LRIG1: variants seen among roughly 807,000 people sequenced by gnomAD.
LRIG1 encodes the protein leucine-rich repeats and immunoglobulin-like domains protein 1.
LRIG1 carries 48 observed loss-of-function variants against 99.2 expected under a neutral mutation model. The observed-to-expected ratio is 0.48, with a 90% CI of 0.38 to 0.62. LRIG1 has a LOEUF of 0.62. Ranked by LOEUF, LRIG1 falls within the 20% of genes least tolerant of loss-of-function variation. The pLI is 0.00. For synonymous variants in LRIG1, 772 were observed against 596.1 expected (o/e 1.29, Z -4.30); for missense variants, 1,646 against 1,434.4 (o/e 1.15, Z -2.38).
chr3:66,405,562 C>T (rs1233856983), intron 8 of LRIG1, among the ~76,000 whole-genome samples: 2 of 152,184 alleles, frequency 1.3e-5, no homozygotes, highest in Non-Finnish European at 2.9e-5. Context: ...TGCAGACAGC[C>T]CAGTCTGTAT....
chr3:66,405,112 G>T, intron 9 of LRIG1, 86 bp downstream of exon 9: 1 of 1,193,278 alleles, frequency 8.4e-7, no homozygotes, highest in East Asian at 2.5e-5. Flanking sequence ...CCAGAGCAGA[G>T]AGGCGCGGGG....
chr3:66,405,362 C>G, intron 8 of LRIG1, 84 bp from the exon 9 acceptor site: 3 of 1,094,500 alleles, frequency 2.7e-6, no homozygotes, highest in Non-Finnish European at 4.2e-6. Flanking sequence ...TGCTCGGAAG[C>G]TGAAGTCCCC....
intron 12 of LRIG1, among the ~76,000 whole-genome samples, chr3:66,392,612 G>C (rs1701666868): frequency 6.9e-6 from 1 of 144,158 alleles, no homozygotes; most frequent in South Asian, 2.4e-4. Context: ...AGGGGGGGAA[G>C]CTTGAGCTAA....
chr3:66,412,381 C>A (rs1286839586), intron 6 of LRIG1, among the ~76,000 whole-genome samples: 2 of 152,186 alleles, frequency 1.3e-5, no homozygotes, highest in Non-Finnish European at 2.9e-5. Context: ...GGGGCGGGGG[C>A]AGTGGATGCA....
At chr3:66,465,238 G>A (rs1700445995) in intron 1 of LRIG1, among the ~76,000 whole-genome samples, 1 of 152,006 alleles carries the variant, frequency 6.6e-6, no homozygotes, top group South Asian at 2.1e-4. Context: ...ATCCTCAATA[G>A]GTTTATTGGG....
At chr3:66,399,070 G>A in intron 9 of LRIG1, 29 bp from the exon 10 acceptor site, 1 of 1,576,670 alleles carries the variant, frequency 6.3e-7, no homozygotes, top group Non-Finnish European at 8.7e-7. Flanking sequence ...CAGAAATTAA[G>A]GCCAGGGAAG....
chr3:66,450,697 T>C (rs969398100), intron 3 of LRIG1, among the ~76,000 whole-genome samples: 2 of 152,168 alleles, frequency 1.3e-5, no homozygotes, highest in Non-Finnish European at 2.9e-5. Context: ...AAAAGATTCA[T>C]ATAGGTGAGC....
chr3:66,459,771 T>C (rs1700314817), intron 2 of LRIG1, among the ~76,000 whole-genome samples: 1 of 152,104 alleles, frequency 6.6e-6, no homozygotes, highest in South Asian at 2.1e-4. Context: ...AAAAACCCAG[T>C]CACGAGGACA....
Position 66,382,286 on chromosome 3 carries a change from G to A in LRIG1, c.2604C>T (p.His868=). ...CTGAGGCCTTACCATTGCTCTCAATGTGCCCATTGGCCTGAGGGCCACCCT... is the reference window on the plus strand; with the variant it reads ...CTGAGGCCTTACCATTGCTCTCAATATGCCCATTGGCCTGAGGGCCACCCT... ...RTEGGPQANG[H]IESNGVCPRD... is the part of the protein sequence containing the mutation. Residue 868 remains histidine, a synonymous_variant, in exon 16 of 19, where the codon CAC becomes CAT. Transcript: ENST00000273261. The A allele has an allele frequency of 6.2e-7, 1 of 1,614,166 alleles. No individual in the cohort carries two copies. The highest frequency in any genetic ancestry group is 8.5e-7 in the Non-Finnish European group (1 of 1,180,024).
chr3:66,407,405 T>C lies in LRIG1; in HGVS notation c.1022A>G (p.Asn341Ser). Residue 341 changes from asparagine (N) to serine (S), a missense_variant, in exon 8 of 19, where the codon AAT becomes AGT. Coordinates refer to ENST00000273261, the MANE Select transcript of LRIG1 (RefSeq NM_015541.3). ...SSLSVLRLSH[N>S]SISHIAEGAF... The stretch of plus-strand genomic sequence containing the variant: ...ACCCTCCGCAATGTGGCTGATGGAA[T>C]TGTGGCTGAGACGCAGGACACTCAG... 1.2e-6 allele frequency: 2 copies of C among 1,614,042 alleles called. No individual in the cohort carries two copies. The highest frequency in any genetic ancestry group is 1.7e-6 in the Non-Finnish European group (2 of 1,180,018).
Position 66,405,276 on chromosome 3 carries a change from T to A in LRIG1, c.1082A>T (p.Asp361Val), listed in dbSNP as rs200843594. Residue 361 changes from aspartate (D) to valine (V), a missense_variant and splice_region_variant, in exon 9 of 19, where the codon GAT becomes GTT. Coordinates refer to ENST00000273261, the MANE Select transcript of LRIG1 (RefSeq NM_015541.3). ...GCCCGAAATCTCGTTATGGTCCAGATCCCTGGGGAGAGGACAGAAAGCAGC... is the reference window on the plus strand; with the variant it reads ...GCCCGAAATCTCGTTATGGTCCAGAACCCTGGGGAGAGGACAGAAAGCAGC... ...FKGLRSLRVL[D>V]LDHNEISGTI... 28 of 1,613,572 alleles carry A rather than the reference T, an allele frequency of 1.7e-5. No homozygotes were observed. In the East Asian group the frequency reaches 6.2e-4, roughly 36 times the overall value.
intron 1 of LRIG1, among the ~76,000 whole-genome samples, chr3:66,477,845 T>G (rs959463088): frequency 1.9e-5 from 1 of 52,764 alleles, no homozygotes; most frequent in African/African-American, 3.3e-5. Flanking sequence ...CAGCAACTAT[T>G]TGAGTGATGC....
rs576002773 is a variant in LRIG1 at position 66,486,107 on chromosome 3, T to C, written c.218+14083A>G. On this transcript the variant is annotated intron_variant, in intron 1 of 18. Transcript: ENST00000273261. ...GACAATATTTTTCATAGAGTTAAGA[T>C]GGTGATGATCAGTTAACACAGATAT... Among the ~76,000 whole-genome samples, 8 of 152,296 alleles carry C rather than the reference T, an allele frequency of 5.3e-5. No homozygotes were observed. In the South Asian group the frequency reaches 1.4e-3, roughly 28 times the overall value.
intron 3 of LRIG1, among the ~76,000 whole-genome samples, chr3:66,444,951 G>A (rs1487244490): frequency 1.3e-5 from 2 of 151,448 alleles, no homozygotes; most frequent in African/African-American, 4.9e-5. Context: ...ATATATACGT[G>A]TGTATATGTA....
chr3:66,437,170 G>A (rs927320122), intron 3 of LRIG1, among the ~76,000 whole-genome samples: 3 of 152,230 alleles, frequency 2.0e-5, no homozygotes, highest in Admixed American at 2.0e-4. Context: ...GCAGGGATCT[G>A]CAGTGACTCT....
intron 2 of LRIG1, among the ~76,000 whole-genome samples, chr3:66,460,213 T>C (rs1700325279): frequency 6.6e-6 from 1 of 152,310 alleles, no homozygotes; most frequent in Middle Eastern, 3.4e-3. Context: ...GCTTGAATGA[T>C]GCTAGAGGGA....
At chr3:66,382,078 G>A (rs991544103) in intron 16 of LRIG1, among the ~76,000 whole-genome samples, 195 bp downstream of exon 16, 2 of 152,206 alleles carry the variant, frequency 1.3e-5, no homozygotes, top group Non-Finnish European at 2.9e-5. Flanking sequence ...TTCCTGAGGG[G>A]ACAGGACTTT....
At chr3:66,406,339 C>A (rs755199346) in intron 8 of LRIG1, 2 of 985,602 alleles carry the variant, frequency 2.0e-6, no homozygotes, top group African/African-American at 1.7e-5. Context: ...CTGCTCCTAG[C>A]CCTGGCTGCC....
In LRIG1 at chr3:66,420,912, G is replaced by C. The variant is rs537883384; in HGVS notation, c.366-3646C>G. On this transcript the variant is annotated intron_variant, in intron 3 of 18. Transcript: ENST00000273261. ...TTAATTGGACTCACAGTTCCACGTG[G>C]CTGGGGAGGCCTCACAATCATGGCA... Among the ~76,000 whole-genome samples, 178 of 152,332 alleles carry C rather than the reference G, an allele frequency of 1.2e-3. 1 individual carries two copies. The highest frequency in any genetic ancestry group is 4.0e-3 in the African/African-American group (166 of 41,560).
Sources: gnomAD v4.1 joint callset for allele counts (sites outside exome capture counted in the v4.1 genomes callset) on GRCh38, gnomAD v4.1.1 for gene constraint, MANE v1.5 for transcripts, NCBI Gene and HGNC (gene_info 2026-07-23, HGNC 2026-07-21) for gene names.